The following WWOX variants were observed in gnomAD, a reference collection of about 807,000 sequenced individuals.
WWOX encodes WW domain containing oxidoreductase.
WWOX carries 69 observed loss-of-function variants against 46.2 expected under a neutral mutation model. The observed-to-expected ratio is 1.49, with a 90% CI of 1.23 to 1.82. The LOEUF is 1.82. Among genes scored for constraint, WWOX ranks in the 40% most tolerant of loss-of-function variants. The pLI is 0.00. For synonymous variants in WWOX, 359 were observed against 202.6 expected, an observed-to-expected ratio of 1.77 and a Z score of -6.56; for missense variants, 919 against 542.6, an observed-to-expected ratio of 1.69 and a Z score of -6.89.
intron 8 of WWOX, among the ~76,000 whole-genome samples, chr16:79,071,436 C>A (rs72795661): frequency 6.6e-6 from 1 of 152,194 alleles, no homozygotes; most frequent in East Asian, 1.9e-4. Context: ...TCTTAGAGCC[C>A]TGTTACCCAA....
chr16:78,712,888 T>C (rs1387860836), intron 8 of WWOX, among the ~76,000 whole-genome samples: 1 of 152,152 alleles, frequency 6.6e-6, no homozygotes, highest in East Asian at 1.9e-4. Context: ...AATTAGGTTC[T>C]CTGTTTTGGG....
chr16:79,149,649 G>C (rs1329568170), intron 8 of WWOX, among the ~76,000 whole-genome samples: 1 of 152,158 alleles, frequency 6.6e-6, no homozygotes. Flanking sequence ...TTAGTTTCAT[G>C]TCTCATAAAT....
chr16:78,694,911 T>C (rs1441641523), intron 8 of WWOX, among the ~76,000 whole-genome samples: 10 of 152,104 alleles, frequency 6.6e-5, no homozygotes, highest in Non-Finnish European at 1.3e-4. Context: ...TTGAGGTAGG[T>C]CCTTCAGTTT....
chr16:78,520,397 T>A (rs1225273525), intron 8 of WWOX, among the ~76,000 whole-genome samples: 2 of 152,190 alleles, frequency 1.3e-5, no homozygotes, highest in South Asian at 4.1e-4. Context: ...TCTCGAAGAC[T>A]TCTGATTTCG....
chr16:78,981,324 T>G (rs866610547), intron 8 of WWOX, among the ~76,000 whole-genome samples: 4 of 149,212 alleles, frequency 2.7e-5, no homozygotes, highest in African/African-American at 9.9e-5. Context: ...AAATGCTGGG[T>G]GGGGGGGGAA....
At chr16:78,815,351 C>T (rs867391292) in intron 8 of WWOX, among the ~76,000 whole-genome samples, 2 of 152,016 alleles carry the variant, frequency 1.3e-5, no homozygotes, top group East Asian at 3.9e-4. Flanking sequence ...AAGAAGGTTT[C>T]ATACATTTTA....
At chr16:78,971,347 C>T (rs1389835736) in intron 8 of WWOX, among the ~76,000 whole-genome samples, 1 of 149,176 alleles carries the variant, frequency 6.7e-6, no homozygotes, top group Non-Finnish European at 1.5e-5. Context: ...CCCAGCTACT[C>T]AGAAGGCTGA....
intron 8 of WWOX, among the ~76,000 whole-genome samples, chr16:79,134,008 A>G (rs1046234103): frequency 2.0e-5 from 3 of 152,182 alleles, no homozygotes; most frequent in South Asian, 4.1e-4. Context: ...ATGCTGGACT[A>G]TCTAAGCAAG....
intron 8 of WWOX, among the ~76,000 whole-genome samples, chr16:79,201,806 C>A (rs1317872477): frequency 1.1e-5 from 1 of 89,968 alleles, no homozygotes; most frequent in African/African-American, 3.5e-5. Context: ...TAAATTGAAA[C>A]CTGACAATGT....
chr16:79,134,755 C>A lies in WWOX; in HGVS notation c.1057-76853C>A, dbSNP rs562343408. ...GTAACTCAGCTAAGTCTGTACAGTA[C>A]TTAGCCAGGGGATTTAGAAATCCAC... is the stretch of plus-strand genomic sequence containing the variant. On this transcript the variant is annotated intron_variant, in intron 8 of 8. Coordinates refer to ENST00000566780, the MANE Select transcript of WWOX (RefSeq NM_016373.4). 5.9e-5 allele frequency among the ~76,000 whole-genome samples: 9 copies of A among 152,304 alleles called. No homozygotes were observed. The East Asian group carries it at 1.7e-3, about 29-fold the overall frequency.
At chr16:78,452,883 A>G (rs2083726715) in intron 8 of WWOX, among the ~76,000 whole-genome samples, 1 of 150,268 alleles carries the variant, frequency 6.7e-6, no homozygotes, top group Admixed American at 6.6e-5. Context: ...ATATATATAC[A>G]TATTTTTGAG....
intron 8 of WWOX, among the ~76,000 whole-genome samples, chr16:78,462,655 C>T (rs572108850): frequency 6.6e-6 from 1 of 152,176 alleles, no homozygotes; most frequent in African/African-American, 2.4e-5. Context: ...GATGAACTGC[C>T]AAGTAGGAGT....
At chr16:79,210,432 C>T (rs1013799593) in intron 8 of WWOX, among the ~76,000 whole-genome samples, 1 of 152,126 alleles carries the variant, frequency 6.6e-6, no homozygotes, top group Non-Finnish European at 1.5e-5. Flanking sequence ...CAATGTAAAC[C>T]CTGCAGGGGC....
intron 5 of WWOX, among the ~76,000 whole-genome samples, chr16:78,307,891 A>G (rs2080163048): frequency 6.6e-6 from 1 of 152,162 alleles, no homozygotes; most frequent in Admixed American, 6.5e-5. Context: ...AAAAAAAATC[A>G]CACTCTAATT....
chr16:78,719,722 C>G lies in WWOX; in HGVS notation c.1056+286970C>G, dbSNP rs146005452. On this transcript the variant is annotated intron_variant, in intron 8 of 8. Coordinates refer to ENST00000566780, the MANE Select transcript of WWOX (RefSeq NM_016373.4). ...ATGTATTAGTAACATTTGTAATTTA[C>G]CAAATGGAAAATATCACTTAACTTT... 4.6e-5 allele frequency among the ~76,000 whole-genome samples: 7 copies of G among 152,174 alleles called. No individual in the cohort carries two copies. The East Asian group carries it at 1.4e-3, about 29-fold the overall frequency.
At chr16:78,758,917 T>A (rs1383729455) in intron 8 of WWOX, among the ~76,000 whole-genome samples, 2 of 148,330 alleles carry the variant, frequency 1.3e-5, no homozygotes, top group African/African-American at 5.0e-5. Context: ...ATATTTTGCA[T>A]TAAAAAAAAC....
chr16:79,034,034 G>T (rs989333989), intron 8 of WWOX, among the ~76,000 whole-genome samples: 5 of 152,200 alleles, frequency 3.3e-5, no homozygotes, highest in Admixed American at 3.3e-4. Flanking sequence ...GGAAGCACAG[G>T]CTATGGCTCA....
intron 8 of WWOX, among the ~76,000 whole-genome samples, chr16:78,581,201 G>C (rs1307211357): frequency 6.6e-6 from 1 of 152,126 alleles, no homozygotes; most frequent in African/African-American, 2.4e-5. Flanking sequence ...AAAGGAAAAA[G>C]TTACATATGG....
intron 5 of WWOX, among the ~76,000 whole-genome samples, chr16:78,328,083 A>G (rs1183035041): frequency 5.9e-5 from 9 of 152,028 alleles, no homozygotes; most frequent in Admixed American, 5.9e-4. Context: ...CATGTTGGCC[A>G]GGCTGGTCTT....
Sources: gnomAD v4.1 joint callset for allele counts (sites outside exome capture counted in the v4.1 genomes callset) on GRCh38, gnomAD v4.1.1 for gene constraint, MANE v1.5 for transcripts, NCBI Gene and HGNC (gene_info 2026-07-23, HGNC 2026-07-21) for gene names.